Variants in RPS3 observed in about 807,000 individuals in gnomAD.
RPS3 encodes small ribosomal subunit protein uS3.
In RPS3, 2 loss-of-function variants were observed where a neutral mutation model predicts 25.8. The ratio of observed to expected loss-of-function variants is 0.08; its 90% CI spans 0.03 to 0.24. The LOEUF (loss-of-function observed/expected upper bound fraction) is 0.24, where lower values mean the gene tolerates loss of function less well. Ranked by LOEUF, RPS3 falls within the 10% of genes least tolerant of loss-of-function variation. The probability of loss-of-function intolerance (pLI) is 1.00; values close to 1 mark genes in which losing one functional copy is unlikely to be tolerated. For synonymous variants in RPS3, 114 were observed against 114.2 expected (o/e 1.00, Z 0.01); for missense variants, 107 against 307.1 (o/e 0.35, Z 4.87).
chr11:75,420,816 G>A (rs1948436765), intron 6 of RPS3, among the ~76,000 whole-genome samples: 1 of 151,990 alleles, frequency 6.6e-6, no homozygotes, highest in Admixed American at 6.6e-5. Context: ...CAGCGGATAA[G>A]GAAGGGGCAC....
intron 3 of RPS3, 116 bp from the exon 4 acceptor site, chr11:75,402,236 C>T (rs2135052602): frequency 6.6e-6 from 10 of 1,512,504 alleles, no homozygotes; most frequent in East Asian, 2.3e-5. Flanking sequence ...GCATGCGGCC[C>T]GTGGGTTGGG....
chr11:75,418,733 G>A (rs1948421290), intron 6 of RPS3, among the ~76,000 whole-genome samples: 2 of 152,206 alleles, frequency 1.3e-5, no homozygotes. Flanking sequence ...CAAAGAAGGT[G>A]GAGCCCTAGT....
At chr11:75,401,326 G>A (rs1363528794) in intron 2 of RPS3, among the ~76,000 whole-genome samples, 1 of 152,086 alleles carries the variant, frequency 6.6e-6, no homozygotes, top group East Asian at 1.9e-4. Flanking sequence ...GGCAACATGG[G>A]GAAACCCCCG....
At chr11:75,400,661 T>C (rs756746306) in intron 1 of RPS3, 33 bp from the exon 2 acceptor site, 1 of 1,606,630 alleles carries the variant, frequency 6.2e-7, no homozygotes, top group Non-Finnish European at 8.5e-7. Context: ...TACACCGATC[T>C]CCTAATTTTG....
intron 4 of RPS3, chr11:75,403,385 A>G (rs1214139944): frequency 6.6e-6 from 1 of 152,268 alleles, no homozygotes; most frequent in African/African-American, 2.4e-5. Context: ...GGACCATTAT[A>G]CCACCTCTCA....
At chr11:75,421,210 G>C in intron 6 of RPS3, among the ~76,000 whole-genome samples, 1 of 152,114 alleles carries the variant, frequency 6.6e-6, no homozygotes, top group Non-Finnish European at 1.5e-5. Context: ...GCTGGGACCC[G>C]GGCCTTTACT....
chr11:75,409,330 C>A (rs1358637228), downstream of RPS3, among the ~76,000 whole-genome samples: 1 of 136,958 alleles, frequency 7.3e-6, no homozygotes, highest in African/African-American at 2.7e-5. Flanking sequence ...GAGGACCCTG[C>A]GGCCTTCCGC....
At chr11:75,419,257 GA>G (rs1243870170) in intron 6 of RPS3, among the ~76,000 whole-genome samples, 1 of 152,072 alleles carries the variant, frequency 6.6e-6, no homozygotes, top group African/African-American at 2.4e-5. Flanking sequence ...TTTGTCTTTA[GA>G]AATATGTTAC....
intron 1 of RPS3, 189 bp downstream of exon 1, chr11:75,399,766 CG>C (rs1592019107): frequency 1.7e-6 from 1 of 588,744 alleles, no homozygotes; most frequent in East Asian, 3.0e-5. Flanking sequence ...GCTGTGTGGC[CG>C]GGTTCCAAGT....
intron 6 of RPS3, among the ~76,000 whole-genome samples, chr11:75,420,039 G>A (rs909198978): frequency 1.3e-5 from 2 of 152,184 alleles, no homozygotes; most frequent in African/African-American, 4.8e-5. Flanking sequence ...GCTTCTGAGG[G>A]TATACCACGA....
In RPS3 at chr11:75,401,668, C is replaced by A. The variant is rs751953235; in HGVS notation, c.190C>A (p.Arg64=). The A allele has an allele frequency of 1.5e-5, 24 of 1,612,978 alleles. No homozygotes were observed. The highest frequency in any genetic ancestry group is 1.8e-5 in the Non-Finnish European group (21 of 1,179,116). The change falls in exon 3 of 7, where the codon CGG becomes AGG. Residue 64 remains arginine, a synonymous_variant. Transcript: ENST00000531188. ...ACAGAATGTTCTTGGTGAGAAGGGC[C>A]GGCGGATTCGGGAACTGACTGCTGT... is the stretch of plus-strand genomic sequence containing the variant. ...RTQNVLGEKG[R]RIRELTAVVQ...
intron 6 of RPS3, chr11:75,421,699 A>T (rs1948447900): frequency 6.6e-6 from 1 of 152,190 alleles, no homozygotes; most frequent in Non-Finnish European, 1.5e-5. Context: ...TTGTTCAGGG[A>T]TCCATAACTG....
At chr11:75,407,168 T>C (rs1003569680), downstream of RPS3, among the ~76,000 whole-genome samples, 7 of 152,240 alleles carry the variant, frequency 4.6e-5, no homozygotes, top group Non-Finnish European at 8.8e-5. Flanking sequence ...GGTGGAGTTT[T>C]GCTCTTGTGT....
At chr11:75,415,144 C>T (rs1322290092) in intron 6 of RPS3, among the ~76,000 whole-genome samples, 1 of 152,206 alleles carries the variant, frequency 6.6e-6, no homozygotes, top group Admixed American at 6.5e-5. Flanking sequence ...GAACACCTTC[C>T]TCTGCAGTGC....
chr11:75,413,978 G>C (rs1003319087), intron 6 of RPS3, among the ~76,000 whole-genome samples: 5 of 152,188 alleles, frequency 3.3e-5, no homozygotes, highest in Admixed American at 1.3e-4. Flanking sequence ...CTGAAAAGCA[G>C]TCTGGTCTAG....
At chr11:75,413,995 A>T (rs1320542220) in intron 6 of RPS3, among the ~76,000 whole-genome samples, 1 of 152,214 alleles carries the variant, frequency 6.6e-6, no homozygotes, top group Non-Finnish European at 1.5e-5. Context: ...CTAGGATGTC[A>T]TCACCAGACT....
Position 75,404,293 on chromosome 11 carries a change from C to A in RPS3, c.538+86C>A. 1 of 1,239,276 alleles carries A rather than the reference C, an allele frequency of 8.1e-7. No individual in the cohort carries two copies. Among genetic ancestry groups the A allele is most frequent in the Non-Finnish European group, 1.2e-6 (1 of 857,162 alleles). The allele number at this position is 1,239,276 out of a possible 1,614,324, so 76.8% of individuals were successfully genotyped here. On this transcript the variant is annotated intron_variant, in intron 5 of 6. Coordinates refer to ENST00000531188, the MANE Select transcript of RPS3 (RefSeq NM_001005.5). This position sits in a 1 kb window ranked among gnomAD's most constrained non-coding sequence, Gnocchi z 4.6. ...ATCTTAAGTATTTGGGGGAGTTTATCATGGAAGTAGCTGGGCATGTTCATA... is the reference window on the plus strand; with the variant it reads ...ATCTTAAGTATTTGGGGGAGTTTATAATGGAAGTAGCTGGGCATGTTCATA...
intron 1 of RPS3, among the ~76,000 whole-genome samples, chr11:75,400,068 A>G (rs548967257): frequency 5.9e-5 from 9 of 152,312 alleles, no homozygotes; most frequent in Admixed American, 1.3e-4. Flanking sequence ...ACGCCTTGTC[A>G]TTACATGGGA....
chr11:75,414,845 A>G (rs935059379), intron 6 of RPS3, among the ~76,000 whole-genome samples: 2 of 152,212 alleles, frequency 1.3e-5, no homozygotes, highest in African/African-American at 4.8e-5. Context: ...GAGAACCAGG[A>G]GAAGCACAAT....
Sources: allele counts gnomAD v4.1 joint callset (sites outside exome capture counted in the v4.1 genomes callset), GRCh38; gene constraint gnomAD v4.1.1; non-coding constraint Gnocchi (gnomAD v3.1); transcripts MANE v1.5; gene names NCBI Gene and HGNC (gene_info 2026-07-23, HGNC 2026-07-21).